Variants in OPRM1 observed in about 807,000 individuals in gnomAD.
OPRM1 encodes the protein mu-type opioid receptor.
A neutral mutation model predicts 31.8 loss-of-function variants in OPRM1; 27 were observed. That is an observed-to-expected ratio of 0.85 (90% CI 0.63 to 1.17). The LOEUF (loss-of-function observed/expected upper bound fraction) is 1.17. OPRM1 is among the 50% of genes most tolerant of loss of function. The pLI is 0.00. For synonymous variants in OPRM1, 196 were observed against 189.9 expected (o/e 1.03, Z -0.26); for missense variants, 536 against 511.1 (o/e 1.05, Z -0.47).
intron 1 of OPRM1, among the ~76,000 whole-genome samples, chr6:154,080,015 A>C (rs1045229695): frequency 1.3e-5 from 2 of 152,236 alleles, no homozygotes; most frequent in South Asian, 2.1e-4. Flanking sequence ...GGAAAAGGGA[A>C]TACTAATTAG....
At chr6:154,223,337 T>A in intron 3 of OPRM1, 1 of 971,826 alleles carries the variant, frequency 1.0e-6, no homozygotes, top group East Asian at 2.6e-5. Context: ...ATGGTATAAA[T>A]GACATGAGGG....
At chr6:154,101,806 G>A (rs546594417) in intron 3 of OPRM1, among the ~76,000 whole-genome samples, 1 of 152,238 alleles carries the variant, frequency 6.6e-6, no homozygotes, top group Non-Finnish European at 1.5e-5. Context: ...AAGAAAATTT[G>A]TGTAAATAAA....
intron 3 of OPRM1, among the ~76,000 whole-genome samples, chr6:154,166,036 T>C (rs1228629277): frequency 6.6e-6 from 1 of 152,250 alleles, no homozygotes; most frequent in Non-Finnish European, 1.5e-5. Context: ...AGCTGACAGC[T>C]TGATCACAGC....
chr6:154,025,619 A>G (rs572810454), intron 1 of OPRM1, among the ~76,000 whole-genome samples: 28 of 151,710 alleles, frequency 1.8e-4, no homozygotes, highest in African/African-American at 6.0e-4. Flanking sequence ...TTTCCATTCT[A>G]TCTGCCTTTC....
intron 3 of OPRM1, among the ~76,000 whole-genome samples, chr6:154,194,380 C>T (rs1303820675): frequency 6.6e-6 from 1 of 151,942 alleles, no homozygotes; most frequent in Admixed American, 6.5e-5. Flanking sequence ...GCATGGGCAA[C>T]AAGAGTGAAA....
intron 3 of OPRM1, among the ~76,000 whole-genome samples, chr6:154,184,252 G>T (rs1173955282): frequency 7.9e-5 from 12 of 151,968 alleles, no homozygotes; most frequent in African/African-American, 2.9e-4. Flanking sequence ...GGCATATAAA[G>T]TGATACATAT....
chr6:154,242,175 C>T (rs749171956), intron 3 of OPRM1, among the ~76,000 whole-genome samples: 25 of 152,268 alleles, frequency 1.6e-4, no homozygotes, highest in Non-Finnish European at 3.1e-4. Flanking sequence ...CCCCAGAATG[C>T]GCATCTCCCA....
intron 3 of OPRM1, among the ~76,000 whole-genome samples, chr6:154,179,618 G>T (rs1219994835): frequency 6.6e-6 from 1 of 152,146 alleles, no homozygotes; most frequent in Non-Finnish European, 1.5e-5. Context: ...AAAACAGCAG[G>T]ACTTTGATTC....
chr6:154,089,505 T>C (rs940010233), intron 1 of OPRM1, among the ~76,000 whole-genome samples: 1 of 149,834 alleles, frequency 6.7e-6, no homozygotes, highest in Non-Finnish European at 1.5e-5. Flanking sequence ...GAGGATCTCT[T>C]GAGTCCAGGA....
At chr6:154,189,470 G>GA (rs1801671713) in intron 3 of OPRM1, among the ~76,000 whole-genome samples, 1 of 151,750 alleles carries the variant, frequency 6.6e-6, no homozygotes, top group East Asian at 1.9e-4. Context: ...GCCACAGACT[G>GA]AAAGAAAAAA....
chr6:154,099,346 AGC>A (rs557381875), intron 3 of OPRM1, among the ~76,000 whole-genome samples: 1,358 of 70,628 alleles, frequency 0.019, 26 homozygotes, highest in African/African-American at 0.061. Flanking sequence ...GGAGGAAGAG[AGC>A]GAGAGAGAGA....
chr6:154,039,857 G>A lies in OPRM1; in HGVS notation c.290+23G>A, dbSNP rs17181024. ...CAGGTAAGGAAAGCGCCAGGGCTCCGAGCGGAGGGTTCAGCGGCTTAAGGG... is the reference window on the plus strand; with the variant it reads ...CAGGTAAGGAAAGCGCCAGGGCTCCAAGCGGAGGGTTCAGCGGCTTAAGGG... On this transcript the variant is annotated intron_variant, in intron 1 of 3. Transcript: ENST00000330432. 1,155 of 1,553,680 alleles carry A rather than the reference G, an allele frequency of 7.4e-4. 17 individuals carry two copies. The African/African-American group carries it at 0.015, about 20-fold the overall frequency.
chr6:154,115,266 G>T (rs778413845), intron 3 of OPRM1, among the ~76,000 whole-genome samples: 2 of 152,144 alleles, frequency 1.3e-5, no homozygotes, highest in East Asian at 1.9e-4. Context: ...ATAAGGCGGC[G>T]CAGTGGCTCA....
At chr6:154,199,830 G>A (rs1234054866) in intron 3 of OPRM1, 2 of 1,614,172 alleles carry the variant, frequency 1.2e-6, no homozygotes, top group Admixed American at 3.3e-5. Flanking sequence ...GCCTCTGAGG[G>A]TACAGGTGAA....
At chr6:154,164,254 A>C (rs1799248756) in intron 3 of OPRM1, among the ~76,000 whole-genome samples, 1 of 152,186 alleles carries the variant, frequency 6.6e-6, no homozygotes, top group African/African-American at 2.4e-5. Context: ...TAGCTAATAA[A>C]ATTTTTAGAA....
At chr6:154,095,716 G>A (rs1379897925) in intron 3 of OPRM1, among the ~76,000 whole-genome samples, 1 of 152,012 alleles carries the variant, frequency 6.6e-6, no homozygotes, top group Non-Finnish European at 1.5e-5. Context: ...TTTTGTGCAT[G>A]CCTGGGCTCA....
At chr6:154,118,396 ATGTATTTTTTC>A (rs899808903) in intron 3 of OPRM1, among the ~76,000 whole-genome samples, 108 of 152,328 alleles carry the variant, frequency 7.1e-4, no homozygotes, top group African/African-American at 2.6e-3. Flanking sequence ...TTCAATTAAA[ATGTATTTTTTC>A]AAGGAAATTA....
At chr6:154,052,660 G>A (rs904687270) in intron 1 of OPRM1, among the ~76,000 whole-genome samples, 4 of 152,190 alleles carry the variant, frequency 2.6e-5, no homozygotes, top group African/African-American at 7.2e-5. Flanking sequence ...GCCAAACTCT[G>A]ACACAGAACA....
chr6:154,159,726 G>A, intron 3 of OPRM1: 1 of 831,884 alleles, frequency 1.2e-6, no homozygotes, highest in Non-Finnish European at 1.9e-6. Flanking sequence ...ATGCTTGAAG[G>A]ACTGGGTTTC....
Sources: allele counts gnomAD v4.1 joint callset (sites outside exome capture counted in the v4.1 genomes callset), GRCh38; gene constraint gnomAD v4.1.1; transcripts MANE v1.5; gene names NCBI Gene and HGNC (gene_info 2026-07-23, HGNC 2026-07-21).